C12orf42: variants seen among roughly 807,000 people sequenced by gnomAD.
C12orf42 encodes the protein chromosome 12 open reading frame 42.
A neutral mutation model predicts 21.6 loss-of-function variants in C12orf42; 25 were observed. The observed-to-expected ratio is 1.16, with a 90% confidence interval of 0.84 to 1.62. The LOEUF (loss-of-function observed/expected upper bound fraction) is 1.62, where lower values mean the gene tolerates loss of function less well. C12orf42 is among the 40% of genes most tolerant of loss of function. The pLI, the probability that C12orf42 is intolerant of heterozygous loss-of-function variation, is 0.00. For synonymous variants in C12orf42, 174 were observed against 175.0 expected (o/e 0.99, Z 0.05); for missense variants, 483 against 459.3 (o/e 1.05, Z -0.47).
chr12:103,315,917 T>C (rs890661124), intron 4 of C12orf42, among the ~76,000 whole-genome samples: 6 of 151,904 alleles, frequency 3.9e-5, no homozygotes, highest in Non-Finnish European at 7.4e-5. Context: ...GTTAATTAAC[T>C]TGATGGGGCC....
At chr12:103,346,691 A>G (rs2042649699) in intron 4 of C12orf42, among the ~76,000 whole-genome samples, 1 of 152,124 alleles carries the variant, frequency 6.6e-6, no homozygotes, top group African/African-American at 2.4e-5. Flanking sequence ...TGCCCATCCT[A>G]AGCAGAATCC....
At chr12:103,315,075 C>T (rs1406876964) in intron 4 of C12orf42, among the ~76,000 whole-genome samples, 1 of 152,138 alleles carries the variant, frequency 6.6e-6, no homozygotes, top group African/African-American at 2.4e-5. Flanking sequence ...CTACAACAAA[C>T]ATTAAACACA....
rs370721797 is a variant in C12orf42, at chr12:103,478,354, T to C, written c.73A>G (p.Met25Val). The C allele has an allele frequency of 7.5e-6, 12 of 1,596,504 alleles. No individual in the cohort carries two copies. The African/African-American group carries it at 1.3e-4, about 18-fold the overall frequency. Residue 25 changes from methionine (M) to valine (V), a missense_variant, in exon 2 of 6, where the codon ATG becomes GTG. By Grantham distance (21) the Met-to-Val change is conservative. Transcript: ENST00000548883. The part of the protein sequence containing the change: ...LLTIRPFANR[M>V]QKSPCYIPIV... The stretch of plus-strand genomic sequence containing the variant: ...TAGTATCTCTTATGCATTACCTGCA[T>C]CCTGTTTGCAAAAGGTCTGATGGTT...
the C12orf42 span, among the ~76,000 whole-genome samples, chr12:103,561,328 T>C: frequency 6.6e-6 from 1 of 152,154 alleles, no homozygotes; most frequent in Non-Finnish European, 1.5e-5. Context: ...CCATAGCAAA[T>C]TACCATCAAC....
At chr12:103,471,538 G>A (rs1205588928) in intron 2 of C12orf42, among the ~76,000 whole-genome samples, 1 of 152,204 alleles carries the variant, frequency 6.6e-6, no homozygotes, top group Non-Finnish European at 1.5e-5. Context: ...ATTGTATGAG[G>A]TAAGTCATAT....
At chr12:103,538,820 G>C in the C12orf42 span, among the ~76,000 whole-genome samples, 2 of 152,054 alleles carry the variant, frequency 1.3e-5, no homozygotes, top group Non-Finnish European at 2.9e-5. Context: ...AGTGGTTTCT[G>C]TTTTCCTGGC....
the C12orf42 span, among the ~76,000 whole-genome samples, chr12:103,203,380 A>T: frequency 2.6e-5 from 4 of 152,296 alleles, no homozygotes; most frequent in African/African-American, 9.6e-5. Context: ...AAAAAGAATA[A>T]TGTTTACTGG....
At chr12:103,518,172 C>G in the C12orf42 span, among the ~76,000 whole-genome samples, 1 of 152,192 alleles carries the variant, frequency 6.6e-6, no homozygotes, top group East Asian at 1.9e-4. Context: ...CTGCCACAGT[C>G]TACTGATGTA....
At chr12:103,454,011 C>A (rs1952125486) in intron 2 of C12orf42, among the ~76,000 whole-genome samples, 1 of 152,090 alleles carries the variant, frequency 6.6e-6, no homozygotes, top group African/African-American at 2.4e-5. Context: ...ACCACCCTAC[C>A]ATCAACCATG....
intron 10 of C12orf42, among the ~76,000 whole-genome samples, chr12:103,259,592 T>A (rs11836760): frequency 4.5e-4 from 69 of 152,322 alleles, no homozygotes; most frequent in African/African-American, 1.6e-3. Flanking sequence ...TTACCTTAAC[T>A]TTAAATCTCA....
At chr12:103,079,955 T>C in the C12orf42 span, among the ~76,000 whole-genome samples, 1 of 152,206 alleles carries the variant, frequency 6.6e-6, no homozygotes, top group Admixed American at 6.5e-5. Context: ...ATATAGTCTA[T>C]TCCATCTAGT....
At chr12:103,389,422 G>T (rs2046889047) in intron 3 of C12orf42, among the ~76,000 whole-genome samples, 1 of 152,200 alleles carries the variant, frequency 6.6e-6, no homozygotes, top group African/African-American at 2.4e-5. Flanking sequence ...CCAAAGGAAA[G>T]GAGGAATAAA....
intron 4 of C12orf42, among the ~76,000 whole-genome samples, chr12:103,289,618 T>C (rs2136355066): frequency 6.6e-6 from 1 of 152,290 alleles, no homozygotes; most frequent in Admixed American, 6.5e-5. Context: ...TAAATTATAC[T>C]ACAATGATGC....
At chr12:103,201,185 G>C in the C12orf42 span, among the ~76,000 whole-genome samples, 83 of 152,256 alleles carry the variant, frequency 5.5e-4, 2 homozygotes, top group East Asian at 8.5e-3. Context: ...GACCAATGCT[G>C]GCTGCCAGTA....
chr12:103,498,539 AG>A (rs1387534065), upstream of C12orf42, among the ~76,000 whole-genome samples: 3 of 152,374 alleles, frequency 2.0e-5, no homozygotes, highest in African/African-American at 7.2e-5. Flanking sequence ...AGAGGACATT[AG>A]GTTAAATAAA....
At chr12:103,257,957 GA>G (rs1257341201) in intron 10 of C12orf42, among the ~76,000 whole-genome samples, 1 of 151,852 alleles carries the variant, frequency 6.6e-6, no homozygotes, top group African/African-American at 2.4e-5. Context: ...TGGTCATCTA[GA>G]AAAGAAAAGT....
the C12orf42 span, among the ~76,000 whole-genome samples, chr12:103,158,746 G>T: frequency 1.3e-5 from 2 of 151,968 alleles, no homozygotes; most frequent in Non-Finnish European, 2.9e-5. Flanking sequence ...TGGGCGTGGT[G>T]GCAGGCGCCT....
the C12orf42 span, chr12:103,558,256 A>G: frequency 6.6e-6 from 1 of 152,204 alleles, no homozygotes; most frequent in Admixed American, 6.5e-5. Context: ...AAAAATATAA[A>G]TCAATTGATA....
At chr12:103,285,425 C>G (rs1593285319) in intron 4 of C12orf42, among the ~76,000 whole-genome samples, 1 of 152,302 alleles carries the variant, frequency 6.6e-6, no homozygotes, top group East Asian at 1.9e-4. Flanking sequence ...AGGATCTAGC[C>G]TCTAAGGACT....
Sources: gnomAD v4.1 joint callset for allele counts (sites outside exome capture counted in the v4.1 genomes callset) on GRCh38, gnomAD v4.1.1 for gene constraint, MANE v1.5 for transcripts, NCBI Gene and HGNC (gene_info 2026-07-23, HGNC 2026-07-21) for gene names.